The following NIPSNAP1 variants were observed in gnomAD, a reference collection of about 807,000 sequenced individuals.
NIPSNAP1 encodes the protein nipsnap homolog 1.
In NIPSNAP1, 25 loss-of-function variants were observed where a neutral mutation model predicts 49.2. The observed-to-expected ratio is 0.51, with a 90% CI of 0.37 to 0.71. The LOEUF (loss-of-function observed/expected upper bound fraction) is 0.71, where lower values mean the gene tolerates loss of function less well. Among genes scored for constraint, NIPSNAP1 ranks in the 30% least tolerant of loss-of-function variants. The probability of loss-of-function intolerance (pLI) is 0.00; values close to 1 mark genes in which losing one functional copy is unlikely to be tolerated. For missense variants in NIPSNAP1, 294 were observed against 361.0 expected (o/e 0.81, Z 1.50); for synonymous variants, 143 against 140.7 (o/e 1.02, Z -0.12).
intron 9 of NIPSNAP1, among the ~76,000 whole-genome samples, chr22:29,556,407 C>T (rs968807004): frequency 6.6e-6 from 1 of 151,934 alleles, no homozygotes; most frequent in Non-Finnish European, 1.5e-5. Flanking sequence ...GCTTGTAATC[C>T]TAGCTACTCG....
Position 29,570,398 on chromosome 22 carries a change from C to T in NIPSNAP1, c.226+7G>A. 1 of 1,614,050 alleles carries T rather than the reference C, an allele frequency of 6.2e-7. No homozygotes were observed. Among genetic ancestry groups the T allele is most frequent in the Non-Finnish European group, 8.5e-7 (1 of 1,180,036 alleles). ...GGCAGAAATTGGTCAGCTCAGCAGC[C>T]ACTCACACTGGATCTTATAGAGGTT... On this transcript the variant is annotated splice_region_variant and intron_variant, in intron 2 of 9. Coordinates refer to ENST00000216121, the MANE Select transcript of NIPSNAP1 (RefSeq NM_003634.4).
chr22:29,570,654 G>C, intron 1 of NIPSNAP1, 122 bp from the exon 2 acceptor site: 2 of 1,292,196 alleles, frequency 1.5e-6, no homozygotes, highest in South Asian at 1.4e-5. Context: ...GGGCCACGGA[G>C]TCCTGTGGCA....
chr22:29,574,255 T>A (rs2064431919), intron 1 of NIPSNAP1, among the ~76,000 whole-genome samples: 1 of 53,442 alleles, frequency 1.9e-5, no homozygotes. Context: ...TGAGACTCCA[T>A]CTTCACAAAA....
At chr22:29,579,954 G>T in intron 1 of NIPSNAP1, 1 of 619,698 alleles carries the variant, frequency 1.6e-6, no homozygotes, top group Non-Finnish European at 2.6e-6. Flanking sequence ...CTCTTTCCCA[G>T]CTGTCCAAAA....
chr22:29,570,422 T>C lies in NIPSNAP1; in HGVS notation c.209A>G (p.Asn70Ser). The C allele has an allele frequency of 6.2e-7, 1 of 1,614,070 alleles. No homozygotes were observed. Among genetic ancestry groups the C allele is most frequent in the Non-Finnish European group, 8.5e-7 (1 of 1,180,022 alleles). Residue 70 changes from asparagine (N) to serine (S), a missense_variant, in exon 2 of 10, where the codon AAC (asparagine) becomes AGC (serine). Coordinates refer to ENST00000216121, the MANE Select transcript of NIPSNAP1 (RefSeq NM_003634.4). ...CCACTCACACTGGATCTTATAGAGG[T>C]TGCTGGTTTCCTTCTTGGACAGCAG... is the stretch of plus-strand genomic sequence containing the variant. Reference protein sequence around the residue: ...STLLSKKETSNLYKIQFHNVK... With the variant: ...STLLSKKETSSLYKIQFHNVK...
chr22:29,567,407 C>T lies in NIPSNAP1; in HGVS notation c.367+1786G>A, dbSNP rs150665984. Among the ~76,000 whole-genome samples, 4 of 152,264 alleles carry T rather than the reference C, an allele frequency of 2.6e-5. No individual in the cohort carries two copies. In the East Asian group the frequency reaches 7.7e-4, roughly 29 times the overall value. On this transcript the variant is annotated intron_variant, in intron 4 of 9. Coordinates refer to ENST00000216121, the MANE Select transcript of NIPSNAP1 (RefSeq NM_003634.4). ...TTGGGGATTCACCCATATATGGAGA[C>T]AGACAACTAAACAGGCAGCTATAGG... is the stretch of plus-strand genomic sequence containing the variant.
chr22:29,580,251 G>GA, intron 1 of NIPSNAP1: 1 of 1,292,308 alleles, frequency 7.7e-7, no homozygotes, highest in Non-Finnish European at 1.0e-6. Flanking sequence ...AGAGATGGGG[G>GA]AAGTACAGGG....
chr22:29,566,643 C>T (rs778389189), intron 4 of NIPSNAP1, among the ~76,000 whole-genome samples: 64 of 151,572 alleles, frequency 4.2e-4, no homozygotes, highest in Non-Finnish European at 7.8e-4. Context: ...GGCAACATAG[C>T]GAAACCCTGT....
chr22:29,571,484 C>T (rs1485526598), intron 1 of NIPSNAP1, among the ~76,000 whole-genome samples: 1 of 152,196 alleles, frequency 6.6e-6, no homozygotes, highest in African/African-American at 2.4e-5. Flanking sequence ...AGTGGAGGGT[C>T]TGCTGCCAGC....
chr22:29,576,330 G>C (rs923673842), intron 1 of NIPSNAP1, among the ~76,000 whole-genome samples: 1 of 151,028 alleles, frequency 6.6e-6, no homozygotes, highest in Non-Finnish European at 1.5e-5. Flanking sequence ...GAACCCAGGA[G>C]TTTGAGACCA....
At chr22:29,574,284 A>AGAAAAG (rs376217851) in intron 1 of NIPSNAP1, among the ~76,000 whole-genome samples, 1 of 103,078 alleles carries the variant, frequency 9.7e-6, no homozygotes, top group Non-Finnish European at 2.1e-5. Flanking sequence ...AAAAAAAAAA[A>AGAAAAG]AAAAAAAAGA....
chr22:29,571,569 T>G (rs553308150), intron 1 of NIPSNAP1, among the ~76,000 whole-genome samples: 1 of 151,804 alleles, frequency 6.6e-6, no homozygotes, highest in South Asian at 2.1e-4. Context: ...GGTGCTTATT[T>G]TGAGACTACC....
intron 4 of NIPSNAP1, among the ~76,000 whole-genome samples, chr22:29,564,854 T>G (rs563600417): frequency 2.6e-5 from 4 of 152,292 alleles, no homozygotes; most frequent in South Asian, 4.1e-4. Context: ...TGTGAGGGAC[T>G]GAACTTCAAG....
intron 6 of NIPSNAP1, 69 bp downstream of exon 6, chr22:29,561,437 G>A (rs2064334667): frequency 6.2e-7 from 1 of 1,604,830 alleles, no homozygotes; most frequent in Admixed American, 1.7e-5. Flanking sequence ...CTAGGTGTTG[G>A]GGCAGCTGCA....
intron 1 of NIPSNAP1, among the ~76,000 whole-genome samples, chr22:29,576,090 C>G (rs2530660): frequency 0.12 from 17,624 of 150,464 alleles, 1,183 homozygotes; most frequent in South Asian, 0.16. Context: ...GTAATCTCAG[C>G]TCACTGCAAC....
chr22:29,570,924 A>G (rs1007792102), intron 1 of NIPSNAP1, among the ~76,000 whole-genome samples: 8 of 151,396 alleles, frequency 5.3e-5, no homozygotes, highest in Non-Finnish European at 1.0e-4. Context: ...TGACAACCCA[A>G]CCTAACTTGT....
At chr22:29,561,341 G>GAC in intron 6 of NIPSNAP1, 139 bp from the exon 7 acceptor site, 1 of 1,416,234 alleles carries the variant, frequency 7.1e-7, no homozygotes, top group Non-Finnish European at 9.9e-7. Flanking sequence ...CGCAGGCCCT[G>GAC]ACACACACCT....
intron 4 of NIPSNAP1, chr22:29,564,153 G>A (rs530523078): frequency 2.8e-6 from 1 of 360,030 alleles, no homozygotes; most frequent in South Asian, 2.1e-5. Flanking sequence ...ACACAGGCAA[G>A]CTAGAGCTAA....
intron 1 of NIPSNAP1, among the ~76,000 whole-genome samples, chr22:29,571,755 C>T (rs1268407095): frequency 6.6e-6 from 1 of 150,410 alleles, no homozygotes; most frequent in Non-Finnish European, 1.5e-5. Flanking sequence ...CACAGGAAGC[C>T]CTATCCTTTC....
Sources: allele counts gnomAD v4.1 joint callset (sites outside exome capture counted in the v4.1 genomes callset), GRCh38; gene constraint gnomAD v4.1.1; transcripts MANE v1.5; gene names NCBI Gene and HGNC (gene_info 2026-07-23, HGNC 2026-07-21).